SCHIP1: variants seen among roughly 807,000 people sequenced by gnomAD.
SCHIP1 encodes the protein schwannomin-interacting protein 1.
A neutral mutation model predicts 29.7 loss-of-function variants in SCHIP1; 8 were observed. The ratio of observed to expected loss-of-function variants is 0.27; its 90% CI spans 0.16 to 0.49. The LOEUF is 0.49. Ranked by LOEUF, SCHIP1 falls within the 20% of genes least tolerant of loss-of-function variation. The probability of loss-of-function intolerance (pLI) is 0.99; values close to 1 mark genes in which losing one functional copy is unlikely to be tolerated. For missense variants in SCHIP1, 193 were observed against 294.6 expected (o/e 0.66, Z 2.52); for synonymous variants, 76 against 94.9 (o/e 0.80, Z 1.16).
chr3:159,341,014 G>A, the SCHIP1 span, among the ~76,000 whole-genome samples: 26 of 152,224 alleles, frequency 1.7e-4, no homozygotes, highest in East Asian at 5.0e-3. Flanking sequence ...TGGTATCAGA[G>A]CATTGGAAAG....
chr3:159,450,389 CTT>C, the SCHIP1 span, among the ~76,000 whole-genome samples: 1 of 152,186 alleles, frequency 6.6e-6, no homozygotes, highest in Non-Finnish European at 1.5e-5. Context: ...TGATAGAAGA[CTT>C]TAGCTACATG....
At chr3:159,718,942 A>T in the SCHIP1 span, among the ~76,000 whole-genome samples, 1 of 152,232 alleles carries the variant, frequency 6.6e-6, no homozygotes, top group African/African-American at 2.4e-5. Context: ...CTAAGCAAAA[A>T]GAACAAGGCT....
chr3:159,516,301 TC>T, the SCHIP1 span, among the ~76,000 whole-genome samples: 2 of 152,128 alleles, frequency 1.3e-5, no homozygotes, highest in Non-Finnish European at 2.9e-5. Flanking sequence ...CTTCCTCCAC[TC>T]CCTTTGGCCA....
At chr3:159,643,081 G>C in the SCHIP1 span, among the ~76,000 whole-genome samples, 3 of 151,862 alleles carry the variant, frequency 2.0e-5, no homozygotes, top group Non-Finnish European at 4.4e-5. Flanking sequence ...TTATGTGCTG[G>C]GTATTGTAAA....
intron 2 of SCHIP1, among the ~76,000 whole-genome samples, chr3:159,884,777 A>G (rs1269747223): frequency 6.6e-6 from 1 of 152,166 alleles, no homozygotes; most frequent in East Asian, 1.9e-4. Flanking sequence ...GAAAGAAGTA[A>G]GGATTCAGAA....
At chr3:159,805,723 C>A in the SCHIP1 span, among the ~76,000 whole-genome samples, 2 of 151,992 alleles carry the variant, frequency 1.3e-5, no homozygotes, top group African/African-American at 2.4e-5. Context: ...AAAGACCCAA[C>A]TGTTGTTCAG....
chr3:159,350,768 G>A, the SCHIP1 span, among the ~76,000 whole-genome samples: 17 of 152,170 alleles, frequency 1.1e-4, no homozygotes, highest in Admixed American at 1.3e-4. Flanking sequence ...GGTGGCAAGA[G>A]CAGCAATAAT....
chr3:159,789,016 CCAAAATCCAA>C, the SCHIP1 span, among the ~76,000 whole-genome samples: 1 of 152,078 alleles, frequency 6.6e-6, no homozygotes, highest in Non-Finnish European at 1.5e-5. Flanking sequence ...TGCAAATATT[CCAAAATCCAA>C]CAAAATCCAA....
the SCHIP1 span, among the ~76,000 whole-genome samples, chr3:159,311,650 T>G: frequency 2.6e-5 from 4 of 152,130 alleles, no homozygotes; most frequent in Non-Finnish European, 4.4e-5. Context: ...AGCTTCTCAT[T>G]TAATCTTTTT....
chr3:159,428,963 G>A, the SCHIP1 span, among the ~76,000 whole-genome samples: 289 of 150,448 alleles, frequency 1.9e-3, 1 homozygote, highest in African/African-American at 6.6e-3. Flanking sequence ...GCCAAACACC[G>A]CATGTTCTCA....
At chr3:159,659,932 C>T in the SCHIP1 span, among the ~76,000 whole-genome samples, 8 of 152,084 alleles carry the variant, frequency 5.3e-5, no homozygotes, top group African/African-American at 1.2e-4. Context: ...TGTATTCTGG[C>T]GATCTCCTTG....
chr3:159,315,109 T>C, the SCHIP1 span, among the ~76,000 whole-genome samples: 5 of 152,142 alleles, frequency 3.3e-5, no homozygotes, highest in Non-Finnish European at 5.9e-5. Context: ...TTTATATTAA[T>C]TTACACTCTT....
chr3:159,756,244 C>T, the SCHIP1 span, among the ~76,000 whole-genome samples: 2 of 152,230 alleles, frequency 1.3e-5, no homozygotes, highest in African/African-American at 4.8e-5. Flanking sequence ...CAGGCATTTC[C>T]ATACATCTTT....
chr3:159,814,589 C>G, the SCHIP1 span, among the ~76,000 whole-genome samples: 4 of 152,202 alleles, frequency 2.6e-5, no homozygotes, highest in Non-Finnish European at 4.4e-5. Flanking sequence ...ATGGGGAGCC[C>G]CCAGAAAGCT....
chr3:159,866,125 C>G (rs1714601443), intron 1 of SCHIP1, 38 bp from the exon 3 acceptor site: 2 of 1,591,986 alleles, frequency 1.3e-6, no homozygotes, highest in African/African-American at 2.7e-5. Flanking sequence ...GCTATATCTG[C>G]CCACTTATCA....
At chr3:159,741,856 T>C in the SCHIP1 span, among the ~76,000 whole-genome samples, 1 of 152,144 alleles carries the variant, frequency 6.6e-6, no homozygotes, top group African/African-American at 2.4e-5. Context: ...AACTTTTGGG[T>C]AGTGGCCAAA....
At chr3:159,379,212 G>A in the SCHIP1 span, among the ~76,000 whole-genome samples, 1 of 148,862 alleles carries the variant, frequency 6.7e-6, no homozygotes, top group African/African-American at 2.6e-5. Context: ...AACTAGGTGG[G>A]TTTTTTTGGT....
the SCHIP1 span, among the ~76,000 whole-genome samples, chr3:159,719,393 T>G: frequency 6.6e-6 from 1 of 152,214 alleles, no homozygotes. Flanking sequence ...GGGATCTAAT[T>G]AAACTAAAGA....
chr3:159,830,339 C>T, the SCHIP1 span, among the ~76,000 whole-genome samples: 1 of 152,114 alleles, frequency 6.6e-6, no homozygotes, highest in Non-Finnish European at 1.5e-5. Context: ...GATTGTTTTG[C>T]ATGTTGGTTT....
Sources: allele counts gnomAD v4.1 joint callset (sites outside exome capture counted in the v4.1 genomes callset), GRCh38; gene constraint gnomAD v4.1.1; transcripts MANE v1.5; gene names NCBI Gene and HGNC (gene_info 2026-07-23, HGNC 2026-07-21).